Variants in CCDC7 observed in about 807,000 individuals in gnomAD.
CCDC7 encodes coiled-coil domain-containing protein 7.
A neutral mutation model predicts 196.9 loss-of-function variants in CCDC7; 183 were observed. The observed-to-expected ratio is 0.93, with a 90% CI of 0.82 to 1.05. The LOEUF is 1.05. Ranked by LOEUF, CCDC7 falls within the 50% of genes least tolerant of loss-of-function variation. The pLI, the probability that CCDC7 is intolerant of heterozygous loss-of-function variation, is 0.00. For missense variants in CCDC7, 1,540 were observed against 1,482.2 expected, an observed-to-expected ratio of 1.04 and a Z score of -0.64; for synonymous variants, 525 against 484.6, an observed-to-expected ratio of 1.08 and a Z score of -1.10.
intron 28 of CCDC7, among the ~76,000 whole-genome samples, chr10:32,729,880 T>G (rs1167167901): frequency 6.6e-6 from 1 of 152,216 alleles, no homozygotes; most frequent in East Asian, 1.9e-4. Context: ...TTTCTTCCAG[T>G]TGGTATTTGC....
chr10:32,744,188 G>T (rs957005007), intron 28 of CCDC7, among the ~76,000 whole-genome samples: 1 of 151,500 alleles, frequency 6.6e-6, no homozygotes, highest in African/African-American at 2.4e-5. Context: ...AGGCTATATG[G>T]GTACTAAATC....
intron 18 of CCDC7, among the ~76,000 whole-genome samples, chr10:32,587,103 AC>A (rs990607288): frequency 6.7e-4 from 102 of 152,322 alleles, no homozygotes; most frequent in African/African-American, 2.2e-3. Context: ...CTTTAAGTAT[AC>A]AATTCAGTGG....
chr10:32,781,173 T>C (rs1466157699), intron 29 of CCDC7, among the ~76,000 whole-genome samples: 1 of 152,058 alleles, frequency 6.6e-6, no homozygotes, highest in Non-Finnish European at 1.5e-5. Context: ...ATTAAAATTT[T>C]CCAACAAAGA....
intron 39 of CCDC7, among the ~76,000 whole-genome samples, chr10:32,849,907 CTG>C (rs2093478787): frequency 6.6e-6 from 1 of 152,014 alleles, no homozygotes. Flanking sequence ...GCTAGTGTCC[CTG>C]ATTCTGCAGG....
intron 9 of CCDC7, among the ~76,000 whole-genome samples, chr10:32,514,763 C>G (rs919788339): frequency 6.6e-6 from 1 of 152,168 alleles, no homozygotes; most frequent in Non-Finnish European, 1.5e-5. Flanking sequence ...ATTGAAAGAA[C>G]TTAAAGAACA....
chr10:32,765,495 A>G (rs2078140042), intron 28 of CCDC7, among the ~76,000 whole-genome samples: 1 of 151,978 alleles, frequency 6.6e-6, no homozygotes, highest in Non-Finnish European at 1.5e-5. Flanking sequence ...AACTGGCAGA[A>G]TTTTCACATT....
chr10:32,513,967 G>C (rs1164043375), intron 9 of CCDC7: 2 of 152,158 alleles, frequency 1.3e-5, no homozygotes, highest in African/African-American at 4.8e-5. Flanking sequence ...CATCATTATA[G>C]TGGAGGTTCT....
At chr10:32,747,618 A>ATC (rs1191500269) in intron 28 of CCDC7, among the ~76,000 whole-genome samples, 4 of 152,334 alleles carry the variant, frequency 2.6e-5, no homozygotes, top group African/African-American at 9.6e-5. Context: ...AATGCTTAAC[A>ATC]TCTCTAATCA....
chr10:32,601,819 A>G (rs368134720), intron 18 of CCDC7, among the ~76,000 whole-genome samples: 6 of 152,104 alleles, frequency 3.9e-5, no homozygotes, highest in East Asian at 1.9e-4. Flanking sequence ...AAACACACCA[A>G]TCAGCGCTCT....
chr10:32,832,097 C>T (rs1285477391), intron 32 of CCDC7, among the ~76,000 whole-genome samples: 4 of 152,092 alleles, frequency 2.6e-5, no homozygotes, highest in Non-Finnish European at 4.4e-5. Context: ...TACAATCTTA[C>T]GGAATCACCA....
At chr10:32,445,994 A>G (rs755711315), upstream of CCDC7, 1 of 152,322 alleles carries the variant, frequency 6.6e-6, no homozygotes, top group Non-Finnish European at 1.5e-5. Context: ...CGATGTGCCC[A>G]TGGACATTAT....
At chr10:32,615,331 C>T (rs1422708894) in intron 18 of CCDC7, among the ~76,000 whole-genome samples, 1 of 152,144 alleles carries the variant, frequency 6.6e-6, no homozygotes, top group Non-Finnish European at 1.5e-5. Context: ...GCATCCTTGC[C>T]AACATCTGTT....
intron 8 of CCDC7, among the ~76,000 whole-genome samples, chr10:32,484,927 G>A (rs1343904884): frequency 1.3e-5 from 2 of 152,120 alleles, no homozygotes; most frequent in East Asian, 3.8e-4. Flanking sequence ...TTTTTGCATC[G>A]ATGTTCATCA....
chr10:32,717,014 G>T (rs755453162), intron 25 of CCDC7, among the ~76,000 whole-genome samples: 1 of 152,142 alleles, frequency 6.6e-6, no homozygotes, highest in Admixed American at 6.5e-5. Context: ...CTTGAACTCA[G>T]CTCTGCACCA....
chr10:32,683,468 C>CA (rs2076087387), intron 21 of CCDC7, among the ~76,000 whole-genome samples: 1 of 152,072 alleles, frequency 6.6e-6, no homozygotes, highest in Non-Finnish European at 1.5e-5. Context: ...ATTGCTTTGG[C>CA]TATTTGGGCT....
chr10:32,462,731 C>T (rs2035992903), intron 4 of CCDC7, 28 bp downstream of exon 5: 5 of 1,451,418 alleles, frequency 3.4e-6, no homozygotes, highest in Non-Finnish European at 4.7e-6. Flanking sequence ...CAGCTTAAGC[C>T]TACTAAAACT....
intron 33 of CCDC7, among the ~76,000 whole-genome samples, chr10:32,842,239 C>T (rs2093022016): frequency 6.6e-6 from 1 of 151,110 alleles, no homozygotes; most frequent in African/African-American, 2.4e-5. Context: ...ACAAAGAACT[C>T]AAATCAGCAA....
Position 32,726,173 on chromosome 10 carries a change from T to G in CCDC7, c.2570-561T>G, listed in dbSNP as rs546075570. On this transcript the variant is annotated intron_variant, in intron 25 of 41. Transcript: ENST00000639629. ...AAAGTTACCGTACTAGATATCCTGT[T>G]TTTAAGATTATTTTTCACTTAACAT... is the stretch of plus-strand genomic sequence containing the variant. Among the ~76,000 whole-genome samples, 18 of 152,234 alleles carry G rather than the reference T, an allele frequency of 1.2e-4. 2 individuals are homozygous for G. The South Asian group carries it at 2.7e-3, about 23-fold the overall frequency.
chr10:32,544,350 C>T (rs914263913), intron 13 of CCDC7, 49 bp downstream of exon 14: 1 of 1,553,754 alleles, frequency 6.4e-7, no homozygotes, highest in Non-Finnish European at 8.8e-7. Context: ...AATACTTGCT[C>T]TGATAGTCAT....
Sources: gnomAD v4.1 joint callset for allele counts (sites outside exome capture counted in the v4.1 genomes callset) on GRCh38, gnomAD v4.1.1 for gene constraint, MANE v1.5 for transcripts, NCBI Gene and HGNC (gene_info 2026-07-23, HGNC 2026-07-21) for gene names.